ASIC5: variants seen among roughly 807,000 people sequenced by gnomAD.
ASIC5 encodes the protein bile acid-sensitive ion channel.
Under a neutral mutation model 51.2 loss-of-function variants are expected in ASIC5, and 52 were observed. The ratio of observed to expected loss-of-function variants is 1.02; its 90% CI spans 0.81 to 1.28. The LOEUF (loss-of-function observed/expected upper bound fraction) is 1.28, where lower values mean the gene tolerates loss of function less well. Among genes scored for constraint, ASIC5 ranks in the 50% most tolerant of loss-of-function variants. The pLI, the probability that ASIC5 is intolerant of heterozygous loss-of-function variation, is 0.00. For missense variants in ASIC5, 635 were observed against 595.0 expected, an observed-to-expected ratio of 1.07 and a Z score of -0.70; for synonymous variants, 231 against 200.7, an observed-to-expected ratio of 1.15 and a Z score of -1.28.
At position 155,853,184 on chromosome 4, in the gene ASIC5, G is replaced by A. The variant is rs150393134; in HGVS notation, c.586-868C>T. On this transcript the variant is annotated intron_variant, in intron 3 of 9. Transcript: ENST00000537611. ...AATTTTTTGTTGGTAAGTTAAACTT[G>A]TTGGTGAATAAAAACAGCATAAGAA... 8.6e-3 allele frequency among the ~76,000 whole-genome samples: 1,311 copies of A among 152,124 alleles called. 10 individuals are homozygous for A. Among genetic ancestry groups the A allele is most frequent in the Non-Finnish European group, 0.012 (810 of 67,980 alleles).
chr4:155,832,501 G>A (rs755081937), intron 8 of ASIC5, among the ~76,000 whole-genome samples: 1 of 152,108 alleles, frequency 6.6e-6, no homozygotes, highest in Non-Finnish European at 1.5e-5. Flanking sequence ...GACCAGAGTG[G>A]CTAAACATCT....
At chr4:155,865,191 G>GT (rs1741830889) in intron 1 of ASIC5, 3 of 151,892 alleles carry the variant, frequency 2.0e-5, no homozygotes, top group Admixed American at 6.6e-5. Context: ...TCACTAAGCA[G>GT]GATAGCTTGT....
intron 2 of ASIC5, among the ~76,000 whole-genome samples, chr4:155,856,097 G>A (rs1741531049): frequency 6.6e-6 from 1 of 152,064 alleles, no homozygotes; most frequent in Admixed American, 6.6e-5. Flanking sequence ...GTTAAAACCT[G>A]CTTTCAGTAA....
In ASIC5 at chr4:155,863,593, C is replaced by A. The variant is rs1311337071; in HGVS notation, c.202G>T (p.Val68Leu). Residue 68 changes from valine (V) to leucine (L), a missense_variant, in exon 2 of 10, where the codon GTG becomes TTG. Transcript: ENST00000537611. ...ACAAGTGAGACTGAGCCCAGAACCACCACCAACCAGAGCACCCTGCGAATT... is the reference window on the plus strand; with the variant it reads ...ACAAGTGAGACTGAGCCCAGAACCAACACCAACCAGAGCACCCTGCGAATT... ...SKIRRVLWLV[V>L]VLGSVSLVTW... 3 of 1,613,842 alleles carry A rather than the reference C, an allele frequency of 1.9e-6. No individual in the cohort carries two copies. Among genetic ancestry groups the A allele is most frequent in the East Asian group, 2.2e-5 (1 of 44,834 alleles).
intron 8 of ASIC5, 79 bp downstream of exon 8, chr4:155,836,610 C>T: frequency 1.2e-6 from 1 of 855,734 alleles, no homozygotes; most frequent in African/African-American, 1.7e-5. Context: ...AATTTCATTT[C>T]CTGAGTCTTT....
intron 2 of ASIC5, among the ~76,000 whole-genome samples, chr4:155,857,498 A>T (rs570809828): frequency 6.6e-6 from 1 of 152,190 alleles, no homozygotes; most frequent in African/African-American, 2.4e-5. Flanking sequence ...CTAGAATTTG[A>T]CTTACTCTAA....
At chr4:155,862,304 C>G (rs1741730337) in intron 2 of ASIC5, among the ~76,000 whole-genome samples, 1 of 152,004 alleles carries the variant, frequency 6.6e-6, no homozygotes, top group East Asian at 1.9e-4. Flanking sequence ...GCTATAACAT[C>G]TATTATATAT....
chr4:155,852,967 C>T (rs1741418572), intron 3 of ASIC5, among the ~76,000 whole-genome samples: 1 of 151,914 alleles, frequency 6.6e-6, no homozygotes, highest in Non-Finnish European at 1.5e-5. Flanking sequence ...AGAAGCCAAC[C>T]AGAATTATGA....
At chr4:155,835,387 C>T (rs542647155) in intron 8 of ASIC5, among the ~76,000 whole-genome samples, 14 of 147,998 alleles carry the variant, frequency 9.5e-5, no homozygotes, top group South Asian at 2.2e-4. Context: ...AGAATTCTCC[C>T]GTTTCAAGAA....
At chr4:155,846,234 C>T (rs573619155) in intron 4 of ASIC5, among the ~76,000 whole-genome samples, 6 of 152,076 alleles carry the variant, frequency 3.9e-5, no homozygotes, top group African/African-American at 1.4e-4. Context: ...TGCCAGCATA[C>T]TTTTTTTGTT....
rs373276410 is a variant in ASIC5, at chr4:155,854,108, C to T, written c.554G>A (p.Cys185Tyr). The change falls in exon 3 of 10, where the codon TGT (cysteine) becomes TAT (tyrosine). Residue 185 changes from cysteine (C) to tyrosine (Y), a missense_variant. Physicochemically the swap from Cys to Tyr is radical, Grantham distance 194. Transcript: ENST00000537611. ...FYLNNSTLLD[C>Y]EFFGKPCSPK... ...GCTACATGGCTTTCCAAAAAACTCACAGTCCAACAAAGTGCTATTGTTGAG... is the reference window on the plus strand; with the variant it reads ...GCTACATGGCTTTCCAAAAAACTCATAGTCCAACAAAGTGCTATTGTTGAG... The T allele has an allele frequency of 1.5e-5, 24 of 1,612,686 alleles. No homozygotes were observed. The African/African-American group carries it at 2.7e-4, about 18-fold the overall frequency.
chr4:155,854,429 A>G (rs1026663758), intron 2 of ASIC5, 115 bp from the exon 3 acceptor site: 2 of 800,468 alleles, frequency 2.5e-6, no homozygotes, highest in Non-Finnish European at 4.0e-6. Context: ...ACTCTCCCTT[A>G]TTTGCAAGAC....
chr4:155,861,392 T>G (rs1021693352), intron 2 of ASIC5, among the ~76,000 whole-genome samples: 1 of 152,026 alleles, frequency 6.6e-6, no homozygotes, highest in Non-Finnish European at 1.5e-5. Context: ...TTAACTTATA[T>G]CTCCTGATAG....
intron 7 of ASIC5, among the ~76,000 whole-genome samples, chr4:155,837,925 G>T (rs1314179874): frequency 6.6e-6 from 1 of 151,914 alleles, no homozygotes; most frequent in African/African-American, 2.4e-5. Flanking sequence ...TTTTCCCCAA[G>T]CTCTCCCTCC....
chr4:155,856,001 G>T (rs1302767351), intron 2 of ASIC5, among the ~76,000 whole-genome samples: 1 of 151,992 alleles, frequency 6.6e-6, no homozygotes, highest in African/African-American at 2.4e-5. Flanking sequence ...TCTCTCTGAA[G>T]AAGTCTTCAT....
chr4:155,829,949 G>T lies in ASIC5; in HGVS notation c.1425C>A (p.Cys475Ter), dbSNP rs1348780212. The T allele has an allele frequency of 6.2e-7, 1 of 1,605,826 alleles. No individual in the cohort carries two copies. The highest frequency in any genetic ancestry group is 1.1e-5 in the South Asian group (1 of 89,814). The stretch of plus-strand genomic sequence containing the variant: ...CAGATATCTTCAGCAAAAAGAAAAT[G>T]CATATCCAGTAGAAATTGGTGAATA... ...EYLFTNFYWI[C>*]IFFLLKISEM... Residue 475 changes from cysteine to a stop codon, truncating the protein, a stop_gained, in exon 10 of 10, where the codon TGC becomes TGA. Coordinates refer to ENST00000537611, the MANE Select transcript of ASIC5 (RefSeq NM_017419.3). LOFTEE classifies it low-confidence loss of function (END_TRUNC).
intron 8 of ASIC5, among the ~76,000 whole-genome samples, chr4:155,834,239 G>A (rs761074973): frequency 2.5e-4 from 38 of 152,304 alleles, no homozygotes; most frequent in Non-Finnish European, 2.4e-4. Flanking sequence ...CCATGAGGCC[G>A]TGGATTGACC....
chr4:155,830,068 T>C (rs376224096), intron 9 of ASIC5, 22 bp from the exon 10 acceptor site: 27 of 1,439,776 alleles, frequency 1.9e-5, no homozygotes, highest in Non-Finnish European at 2.5e-5. Context: ...CCAATAAAGA[T>C]TGAATGTCAT....
At chr4:155,834,667 G>T (rs1163807935) in intron 8 of ASIC5, among the ~76,000 whole-genome samples, 1 of 152,054 alleles carries the variant, frequency 6.6e-6, no homozygotes, top group African/African-American at 2.4e-5. Context: ...CCTGGCAAAG[G>T]CCCACCCTCA....
Sources: allele counts gnomAD v4.1 joint callset (sites outside exome capture counted in the v4.1 genomes callset), GRCh38; gene constraint gnomAD v4.1.1; transcripts MANE v1.5; gene names NCBI Gene and HGNC (gene_info 2026-07-23, HGNC 2026-07-21).